ZSWIM5: variants seen among roughly 807,000 people sequenced by gnomAD.
ZSWIM5 encodes the protein zinc finger SWIM-type containing 5.
Under a neutral mutation model 119.6 loss-of-function variants are expected in ZSWIM5, and 55 were observed. That is an observed-to-expected ratio of 0.46 (90% CI 0.37 to 0.58). ZSWIM5 has a LOEUF of 0.58. Among genes scored for constraint, ZSWIM5 ranks in the 20% least tolerant of loss-of-function variants. The probability of loss-of-function intolerance (pLI) is 0.00; values close to 1 mark genes in which losing one functional copy is unlikely to be tolerated. For missense variants in ZSWIM5, 1,193 were observed against 1,512.8 expected, an observed-to-expected ratio of 0.79 and a Z score of 3.51; for synonymous variants, 537 against 606.9, an observed-to-expected ratio of 0.88 and a Z score of 1.69.
chr1:45,183,380 G>A (rs1311570111), intron 1 of ZSWIM5, among the ~76,000 whole-genome samples: 1 of 151,868 alleles, frequency 6.6e-6, no homozygotes, highest in East Asian at 1.9e-4. Context: ...CTAGCAGAAG[G>A]CAAGAAATAA....
intron 2 of ZSWIM5, 42 bp downstream of exon 2, chr1:45,087,839 T>A (rs1424504674): frequency 9.5e-6 from 14 of 1,469,382 alleles, no homozygotes; most frequent in African/African-American, 1.4e-5. Flanking sequence ...ACAGTGGTGA[T>A]GAAAAAGACC....
At chr1:45,146,390 G>GAA (rs750819671) in intron 1 of ZSWIM5, among the ~76,000 whole-genome samples, 6 of 42,548 alleles carry the variant, frequency 1.4e-4, no homozygotes, top group African/African-American at 5.2e-4. Flanking sequence ...TAACTGATTT[G>GAA]AAAAAAAAAA....
intron 2 of ZSWIM5, among the ~76,000 whole-genome samples, chr1:45,062,022 G>A (rs954085934): frequency 6.6e-6 from 1 of 152,040 alleles, no homozygotes; most frequent in Non-Finnish European, 1.5e-5. Context: ...CCTGGGAGGT[G>A]AACATTGCAG....
At chr1:45,184,966 A>T (rs1475891128) in intron 1 of ZSWIM5, among the ~76,000 whole-genome samples, 1 of 152,210 alleles carries the variant, frequency 6.6e-6, no homozygotes, top group African/African-American at 2.4e-5. Context: ...AAAAGAACAA[A>T]GCTGGAGGCA....
In ZSWIM5 at chr1:45,017,493, C is replaced by T. The variant is rs1644861352; in HGVS notation, c.*961G>A. 6.6e-6 allele frequency: 1 copy of T among 152,242 alleles called. No homozygotes were observed. The highest frequency in any genetic ancestry group is 2.4e-5 in the African/African-American group (1 of 41,458). 9.4% of individuals were successfully genotyped at this position (152,242 alleles called of 1,614,324 possible). On this transcript the variant is annotated 3_prime_UTR_variant, in exon 14 of 14. Coordinates refer to ENST00000359600, the MANE Select transcript of ZSWIM5 (RefSeq NM_020883.2). ...TTCAAACAGGTACACAGCCATAGAACTGACACATACACATAAATATATATG... is the reference window on the plus strand; with the variant it reads ...TTCAAACAGGTACACAGCCATAGAATTGACACATACACATAAATATATATG...
At chr1:45,099,751 A>G (rs1645426765) in intron 1 of ZSWIM5, among the ~76,000 whole-genome samples, 1 of 152,244 alleles carries the variant, frequency 6.6e-6, no homozygotes, top group South Asian at 2.1e-4. Context: ...AACACACGCA[A>G]ATCAATAAAC....
At chr1:45,163,610 C>T (rs1050669340) in intron 1 of ZSWIM5, among the ~76,000 whole-genome samples, 1 of 152,158 alleles carries the variant, frequency 6.6e-6, no homozygotes, top group Admixed American at 6.5e-5. Context: ...CTAGAATAAA[C>T]AGCATAGAGA....
intron 1 of ZSWIM5, among the ~76,000 whole-genome samples, chr1:45,197,685 A>T (rs1646134573): frequency 1.3e-5 from 2 of 152,342 alleles, no homozygotes; most frequent in South Asian, 2.1e-4. Flanking sequence ...TGAGTATTAT[A>T]AAAAAACTGC....
chr1:45,189,934 T>G (rs1646081155), intron 1 of ZSWIM5, among the ~76,000 whole-genome samples: 2 of 152,234 alleles, frequency 1.3e-5, no homozygotes, highest in African/African-American at 4.8e-5. Context: ...CATCTCTTGA[T>G]ACTTCCCAGC....
At chr1:45,157,257 C>G (rs1168649105) in intron 1 of ZSWIM5, among the ~76,000 whole-genome samples, 2 of 152,132 alleles carry the variant, frequency 1.3e-5, no homozygotes, top group African/African-American at 4.8e-5. Flanking sequence ...TCACTGCAGC[C>G]TCGACCTCCT....
At position 45,094,778 on chromosome 1, in the gene ZSWIM5, G is replaced by C. The variant is rs534463413; in HGVS notation, c.596-6541C>G. Reference sequence around the variant, plus strand: ...CACAGTCCCAGATACTTGGGGGGTTGAGGTGGGAAGATCACTGGAGCCTGG... The same window carrying C: ...CACAGTCCCAGATACTTGGGGGGTTCAGGTGGGAAGATCACTGGAGCCTGG... On this transcript the variant is annotated intron_variant, in intron 1 of 13. Transcript: ENST00000359600. 1.9e-3 allele frequency among the ~76,000 whole-genome samples: 287 copies of C among 151,920 alleles called. 1 individual carries two copies. The highest frequency in any genetic ancestry group is 3.3e-3 in the Non-Finnish European group (221 of 67,954).
chr1:45,082,503 GTCT>G (rs980358755), intron 2 of ZSWIM5, among the ~76,000 whole-genome samples: 3 of 152,164 alleles, frequency 2.0e-5, no homozygotes, highest in South Asian at 2.1e-4. Context: ...TCAGTTCTAT[GTCT>G]TCTTCTTATT....
intron 2 of ZSWIM5, among the ~76,000 whole-genome samples, chr1:45,086,353 T>A (rs1645329907): frequency 6.6e-6 from 1 of 152,184 alleles, no homozygotes; most frequent in Non-Finnish European, 1.5e-5. Context: ...GTATCAGTTA[T>A]CATCCAAAAG....
intron 1 of ZSWIM5, among the ~76,000 whole-genome samples, chr1:45,184,407 G>C (rs1160504792): frequency 1.3e-5 from 2 of 152,122 alleles, no homozygotes; most frequent in African/African-American, 4.8e-5. Context: ...AGGGCAATTA[G>C]GCAGGAGAAG....
At chr1:45,051,771 C>T (rs971014691) in intron 4 of ZSWIM5, among the ~76,000 whole-genome samples, 11 of 152,102 alleles carry the variant, frequency 7.2e-5, no homozygotes, top group Middle Eastern at 3.2e-3. Context: ...CTTAGCTGAA[C>T]TTCCTGAGCT....
At chr1:45,025,460 CTATT>C (rs1311230875) in intron 11 of ZSWIM5, among the ~76,000 whole-genome samples, 2 of 152,162 alleles carry the variant, frequency 1.3e-5, no homozygotes, top group Non-Finnish European at 2.9e-5. Context: ...TGGACCATTT[CTATT>C]TATTTAAATC....
chr1:45,150,406 G>A (rs1210683986), intron 1 of ZSWIM5, among the ~76,000 whole-genome samples: 2 of 152,072 alleles, frequency 1.3e-5, no homozygotes, highest in African/African-American at 4.8e-5. Flanking sequence ...ATGTAAAATG[G>A]TGCAGGTGCT....
chr1:45,080,471 T>C (rs2149008286), intron 2 of ZSWIM5, among the ~76,000 whole-genome samples: 1 of 152,288 alleles, frequency 6.6e-6, no homozygotes, highest in Non-Finnish European at 1.5e-5. Flanking sequence ...TGCACCAAAA[T>C]GCTTTCCACA....
At chr1:45,180,407 T>C (rs942735042) in intron 1 of ZSWIM5, among the ~76,000 whole-genome samples, 2 of 152,124 alleles carry the variant, frequency 1.3e-5, no homozygotes, top group Non-Finnish European at 2.9e-5. Context: ...CCAGGCTTGC[T>C]TAGGTAAACA....
Sources: allele counts gnomAD v4.1 joint callset (sites outside exome capture counted in the v4.1 genomes callset), GRCh38; gene constraint gnomAD v4.1.1; transcripts MANE v1.5; gene names NCBI Gene and HGNC (gene_info 2026-07-23, HGNC 2026-07-21).